Variants in PHIP observed in about 807,000 individuals in gnomAD.
PHIP encodes the protein PH-interacting protein.
Under a neutral mutation model 236.8 loss-of-function variants are expected in PHIP, and 54 were observed. The observed-to-expected ratio is 0.23, with a 90% CI of 0.18 to 0.29. The LOEUF is 0.29. PHIP is among the 10% of genes least tolerant of loss of function. The pLI, the probability that PHIP is intolerant of heterozygous loss-of-function variation, is 1.00. For synonymous variants in PHIP, 756 were observed against 718.9 expected, an observed-to-expected ratio of 1.05 and a Z score of -0.83; for missense variants, 1,370 against 2,190.8, an observed-to-expected ratio of 0.63 and a Z score of 7.48.
At chr6:79,061,337 T>A (rs1375156164) in intron 4 of PHIP, among the ~76,000 whole-genome samples, 1 of 152,180 alleles carries the variant, frequency 6.6e-6, no homozygotes, top group Non-Finnish European at 1.5e-5. Flanking sequence ...GTTCAGCTAT[T>A]CTCAAAGTAT....
intron 13 of PHIP, 118 bp from the exon 14 acceptor site, chr6:79,015,901 A>T: frequency 3.1e-6 from 2 of 641,722 alleles, no homozygotes; most frequent in Non-Finnish European, 5.1e-6. Context: ...ACTTAACAGT[A>T]ACTGAGAAGT....
chr6:79,011,540 C>T (rs564512890), intron 15 of PHIP, among the ~76,000 whole-genome samples: 2 of 151,680 alleles, frequency 1.3e-5, no homozygotes, highest in African/African-American at 2.4e-5. Context: ...CCATTTCATG[C>T]CCTATGTTAG....
chr6:79,076,973 C>T (rs1465592831), intron 4 of PHIP, among the ~76,000 whole-genome samples: 3 of 152,202 alleles, frequency 2.0e-5, no homozygotes, highest in Non-Finnish European at 4.4e-5. Context: ...GGATAGCCTG[C>T]TTGTGAAATG....
intron 15 of PHIP, among the ~76,000 whole-genome samples, chr6:79,009,615 T>C (rs1770470577): frequency 6.6e-6 from 1 of 152,108 alleles, no homozygotes; most frequent in South Asian, 2.1e-4. Context: ...TCCTCATATT[T>C]TGTGCTTAAC....
At chr6:79,003,644 T>C in intron 16 of PHIP, 86 bp downstream of exon 16, 1 of 871,370 alleles carries the variant, frequency 1.1e-6, no homozygotes, top group South Asian at 2.7e-5. Flanking sequence ...GTAAAGATGC[T>C]GATTCTCACC....
Position 78,963,191 on chromosome 6 carries a change from T to A in PHIP, c.3441A>T (p.Leu1147=), listed in dbSNP as rs773576575. Residue 1147 remains leucine (L), a synonymous_variant, in exon 30 of 40, where the codon CTA becomes CTT. Coordinates refer to ENST00000275034, the MANE Select transcript of PHIP (RefSeq NM_017934.7). ...ATTCTCCATCAAGAGGTTTATAGAT[T>A]AGTGATCTGCACTCACCATCAGTTA... ...VPLTDGECRS[L]IYKPLDGEWG... is the part of the protein sequence containing the mutation. The A allele has an allele frequency of 3.1e-6, 5 of 1,610,884 alleles. No homozygotes were observed. Among genetic ancestry groups the A allele is most frequent in the Non-Finnish European group, 4.2e-6 (5 of 1,178,380 alleles).
intron 26 of PHIP, 36 bp downstream of exon 26, chr6:78,970,013 A>T: frequency 6.2e-7 from 1 of 1,608,638 alleles, no homozygotes; most frequent in South Asian, 1.1e-5. Context: ...AATCTACAAT[A>T]CTAAGAAAAC....
Position 79,017,520 on chromosome 6 carries a change from C to A in PHIP, c.1058G>T (p.Gly353Val). The A allele has an allele frequency of 6.2e-7, 1 of 1,612,026 alleles. No individual in the cohort carries two copies. Among genetic ancestry groups the A allele is most frequent in the African/African-American group, 1.3e-5 (1 of 74,948 alleles). ...HIIRVYFFGS[G>V]QPEKISELEF... The stretch of plus-strand genomic sequence containing the variant: ...CAATTCTGATATTTTCTCTGGCTGA[C>A]CTGATCCAAAAAAATAAACCCGAAT... Residue 353 changes from glycine to valine, a missense_variant, in exon 11 of 40, where the codon GGT becomes GTT. Around this residue, in one of 14 missense-constraint regions of PHIP, gnomAD observed 188 missense variants for 354.3 expected, o/e 0.53. Transcript: ENST00000275034.
intron 35 of PHIP, among the ~76,000 whole-genome samples, chr6:78,952,178 G>T (rs1195097851): frequency 2.0e-5 from 3 of 151,992 alleles, no homozygotes; most frequent in Non-Finnish European, 4.4e-5. Context: ...CCAGCACTTT[G>T]GGGAGGCTGA....
chr6:79,021,280 G>A (rs1417369109), intron 9 of PHIP, among the ~76,000 whole-genome samples: 1 of 152,168 alleles, frequency 6.6e-6, no homozygotes, highest in Non-Finnish European at 1.5e-5. Flanking sequence ...CCAAGTAGCT[G>A]GGATTACAGG....
chr6:79,017,259 C>T (rs1464508194), intron 12 of PHIP, 87 bp downstream of exon 12: 2 of 788,802 alleles, frequency 2.5e-6, no homozygotes, highest in African/African-American at 3.5e-5. Context: ...TGATTATTTC[C>T]TATACAGCTT....
At chr6:78,970,271 T>C in intron 25 of PHIP, 98 bp from the exon 26 acceptor site, 1 of 986,650 alleles carries the variant, frequency 1.0e-6, no homozygotes, top group East Asian at 2.4e-5. Context: ...GTTTAAATCT[T>C]GATCTGGATG....
At chr6:79,024,357 T>C (rs1713495257) in intron 9 of PHIP, among the ~76,000 whole-genome samples, 1 of 152,200 alleles carries the variant, frequency 6.6e-6, no homozygotes, top group African/African-American at 2.4e-5. Flanking sequence ...ATATACCTTC[T>C]AATCTGAATG....
chr6:78,980,298 A>G (rs2127716561), intron 23 of PHIP, among the ~76,000 whole-genome samples: 1 of 152,156 alleles, frequency 6.6e-6, no homozygotes, highest in African/African-American at 2.4e-5. Context: ...CTAGGGAGAA[A>G]CAAGGAGAAA....
At position 78,945,470 on chromosome 6, in the gene PHIP, T is replaced by G; in HGVS notation, c.4658A>C (p.Lys1553Thr). The change falls in exon 39 of 40, where the codon AAA becomes ACA. Residue 1553 changes from lysine (K) to threonine (T), a missense_variant. Physicochemically the swap from Lys to Thr is moderately conservative, Grantham distance 78. Coordinates refer to ENST00000275034, the MANE Select transcript of PHIP (RefSeq NM_017934.7). ...TILENSVKHS[K>T]ALNTLSSPGQ... ...AGGACTGGAAAGAGTATTCAAAGCT[T>G]TGGAATGTTTCACAGAATTCTCTAG... 1.2e-6 allele frequency: 2 copies of G among 1,609,548 alleles called. No homozygotes were observed. Among genetic ancestry groups the G allele is most frequent in the Non-Finnish European group, 1.7e-6 (2 of 1,175,984 alleles).
intron 4 of PHIP, among the ~76,000 whole-genome samples, chr6:79,074,566 A>G (rs1047035774): frequency 2.6e-5 from 4 of 152,112 alleles, no homozygotes; most frequent in African/African-American, 9.7e-5. Flanking sequence ...ATCTAATTAA[A>G]CGTATACCAT....
At chr6:78,991,154 T>C (rs1209016988) in intron 19 of PHIP, among the ~76,000 whole-genome samples, 169 bp from the exon 20 acceptor site, 1 of 152,144 alleles carries the variant, frequency 6.6e-6, no homozygotes, top group Non-Finnish European at 1.5e-5. Context: ...GCTCAGGACA[T>C]CCGGCATTAA....
rs1773476935 is a variant in PHIP, at chr6:78,941,065, A to G, written c.5094T>C (p.Thr1698=). 1.2e-6 allele frequency: 2 copies of G among 1,613,928 alleles called. No homozygotes were observed. The highest frequency in any genetic ancestry group is 1.7e-6 in the Non-Finnish European group (2 of 1,179,912). The change falls in exon 40 of 40, where the codon ACT becomes ACC. Residue 1698 remains threonine (T), a synonymous_variant. Coordinates refer to ENST00000275034, the MANE Select transcript of PHIP (RefSeq NM_017934.7). ...GTAACAAATCTTCCTTTACATTATT[A>G]GTTTCAGAAAGAAAATTGCATGTTG... ...PSSTCNFLSE[T]NNVKEDLLQK... is the part of the protein sequence containing the mutation.
intron 7 of PHIP, among the ~76,000 whole-genome samples, chr6:79,033,566 G>T (rs917237945): frequency 1.3e-5 from 2 of 152,112 alleles, no homozygotes; most frequent in Non-Finnish European, 2.9e-5. Flanking sequence ...TTCTTATGTA[G>T]CTTCCTCATC....
Sources: allele counts gnomAD v4.1 joint callset (sites outside exome capture counted in the v4.1 genomes callset), GRCh38; gene constraint gnomAD v4.1.1; regional missense constraint gnomAD v4.1.1; transcripts MANE v1.5; gene names NCBI Gene and HGNC (gene_info 2026-07-23, HGNC 2026-07-21).